Variants in C14orf39 observed in about 807,000 individuals in gnomAD.
C14orf39 encodes the protein chromosome 14 open reading frame 39.
In C14orf39, 66 loss-of-function variants were observed where a neutral mutation model predicts 85.6. The observed-to-expected ratio is 0.77, with a 90% CI of 0.63 to 0.95. The LOEUF is 0.95. Ranked by LOEUF, C14orf39 falls within the 40% of genes least tolerant of loss-of-function variation. The probability of loss-of-function intolerance (pLI) is 0.00; values close to 1 mark genes in which losing one functional copy is unlikely to be tolerated. For missense variants in C14orf39, 735 were observed against 663.9 expected (o/e 1.11, Z -1.18); for synonymous variants, 242 against 214.0 (o/e 1.13, Z -1.14).
chr14:60,487,414 A>G (rs1566685057), upstream of C14orf39, among the ~76,000 whole-genome samples: 1 of 152,056 alleles, frequency 6.6e-6, no homozygotes, highest in Non-Finnish European at 1.5e-5. Flanking sequence ...CAATTAGCAT[A>G]ATGTCCCACA....
upstream of C14orf39, among the ~76,000 whole-genome samples, chr14:60,489,527 C>G (rs975613974): frequency 6.6e-6 from 1 of 152,172 alleles, no homozygotes; most frequent in Non-Finnish European, 1.5e-5. Flanking sequence ...TTCCAGCTAT[C>G]AAACATATGA....
At chr14:60,454,057 C>T (rs1439279173) in intron 16 of C14orf39, among the ~76,000 whole-genome samples, 1 of 151,558 alleles carries the variant, frequency 6.6e-6, no homozygotes, top group Non-Finnish European at 1.5e-5. Context: ...ACTTTCATGC[C>T]TAGCATACTC....
chr14:60,484,846 A>G lies in C14orf39; in HGVS notation c.106+35T>C, dbSNP rs757877316. On this transcript the variant is annotated intron_variant, in intron 3 of 17. Coordinates refer to ENST00000321731, the MANE Select transcript of C14orf39 (RefSeq NM_174978.3). The surrounding 1 kb of genome is among the most constrained non-coding windows in gnomAD (Gnocchi z 4.2). Reference sequence around the variant, plus strand: ...ATGTTATATGCCATAAGGAATTAAAAGACTAAAATATCTTGATCATGCAAA... The same window carrying G: ...ATGTTATATGCCATAAGGAATTAAAGGACTAAAATATCTTGATCATGCAAA... 5 of 1,436,488 alleles carry G rather than the reference A, an allele frequency of 3.5e-6. No homozygotes were observed. Among genetic ancestry groups the G allele is most frequent in the Non-Finnish European group, 4.8e-6 (5 of 1,038,650 alleles). The allele number at this position is 1,436,488 out of a possible 1,614,324, so 89.0% of individuals were successfully genotyped here.
chr14:60,462,617 G>C (rs1018450084), intron 11 of C14orf39, among the ~76,000 whole-genome samples: 3 of 152,006 alleles, frequency 2.0e-5, no homozygotes, highest in African/African-American at 7.2e-5. Context: ...ATAAGAAAAA[G>C]TGTCAACCTC....
chr14:60,454,245 T>C (rs2140064644), intron 16 of C14orf39, among the ~76,000 whole-genome samples: 1 of 152,094 alleles, frequency 6.6e-6, no homozygotes, highest in East Asian at 1.9e-4. Flanking sequence ...ATTGGCTAAA[T>C]GTAATTAACT....
upstream of C14orf39, among the ~76,000 whole-genome samples, chr14:60,489,981 A>G (rs1892961684): frequency 6.6e-6 from 1 of 152,230 alleles, no homozygotes; most frequent in African/African-American, 2.4e-5. Flanking sequence ...AACATGTTTC[A>G]GTCATTAACT....
intron 10 of C14orf39, among the ~76,000 whole-genome samples, chr14:60,466,332 A>T (rs151285026): frequency 3.5e-4 from 54 of 152,122 alleles, no homozygotes; most frequent in Non-Finnish European, 5.7e-4. Context: ...GAGAAGACAA[A>T]GAAACCAGCC....
chr14:60,469,621 A>C lies in C14orf39; in HGVS notation c.587T>G (p.Leu196Arg), dbSNP rs1891971965. 6.7e-7 allele frequency: 1 copy of C among 1,493,802 alleles called. No homozygotes were observed. Among genetic ancestry groups the C allele is most frequent in the South Asian group, 1.4e-5 (1 of 73,180 alleles). 92.5% of individuals were successfully genotyped at this position (1,493,802 alleles called of 1,614,324 possible). A position where few individuals can be genotyped will look rare whatever the true frequency, so the allele number is the denominator to read the frequency against. The change falls in exon 8 of 18, where the codon CTT (leucine) becomes CGT (arginine). Residue 196 changes from leucine to arginine, a missense_variant. Transcript: ENST00000321731. ...TTTGGTAAGATTGCTGGCATGTTTAAGAATATCTTGTGTTTCACATCTCAA... is the reference window on the plus strand; with the variant it reads ...TTTGGTAAGATTGCTGGCATGTTTACGAATATCTTGTGTTTCACATCTCAA... ...VNLRCETQDI[L>R]KHASNLTKSS...
chr14:60,500,378 T>C (rs770962924), intron 1 of C14orf39, among the ~76,000 whole-genome samples: 5 of 152,238 alleles, frequency 3.3e-5, no homozygotes, highest in Non-Finnish European at 7.3e-5. Flanking sequence ...GGTAAAAGTC[T>C]TTTTGGATGG....
intron 16 of C14orf39, 61 bp from the exon 17 acceptor site, chr14:60,442,192 A>C (rs1890548643): frequency 9.6e-7 from 1 of 1,039,852 alleles, no homozygotes; most frequent in African/African-American, 1.6e-5. Context: ...TATATAGTAC[A>C]TATATTTGAA....
At position 60,473,004 on chromosome 14, in the gene C14orf39, A is replaced by G. The variant is rs537498470; in HGVS notation, c.324-1265T>C. ...CACTGACTTCCACAATGGTTGAACT[A>G]GTTTACAGTCCCACCAACAGTGTAA... On this transcript the variant is annotated intron_variant, in intron 5 of 17. Coordinates refer to ENST00000321731, the MANE Select transcript of C14orf39 (RefSeq NM_174978.3). Among the ~76,000 whole-genome samples the G allele has an allele frequency of 5.9e-5, 9 of 152,330 alleles. No individual in the cohort carries two copies. In the East Asian group the frequency reaches 1.5e-3, roughly 26 times the overall value.
At chr14:60,467,275 C>T (rs770312443) in intron 9 of C14orf39, among the ~76,000 whole-genome samples, 1 of 151,650 alleles carries the variant, frequency 6.6e-6, no homozygotes, top group Non-Finnish European at 1.5e-5. Context: ...TCAATATAGT[C>T]CACTCTTATT....
intron 1 of C14orf39, among the ~76,000 whole-genome samples, chr14:60,507,031 A>T (rs1473634803): frequency 6.6e-6 from 1 of 151,636 alleles, no homozygotes; most frequent in African/African-American, 2.4e-5. Context: ...GGCATGGACA[A>T]CCTCTCCCAC....
At chr14:60,488,557 C>A (rs1469294356), upstream of C14orf39, among the ~76,000 whole-genome samples, 2 of 152,122 alleles carry the variant, frequency 1.3e-5, no homozygotes, top group African/African-American at 2.4e-5. Context: ...ATTATTGACA[C>A]CTTTGCCTCT....
At chr14:60,445,699 G>T (rs1890733388) in intron 16 of C14orf39, among the ~76,000 whole-genome samples, 1 of 152,178 alleles carries the variant, frequency 6.6e-6, no homozygotes, top group Non-Finnish European at 1.5e-5. Context: ...ACTCAGCTCT[G>T]CACCAAATGG....
chr14:60,465,695 C>T (rs954260832), intron 11 of C14orf39, among the ~76,000 whole-genome samples: 1 of 152,004 alleles, frequency 6.6e-6, no homozygotes, highest in Non-Finnish European at 1.5e-5. Flanking sequence ...AGTTTTGGAT[C>T]TACTATGTAC....
intron 5 of C14orf39, among the ~76,000 whole-genome samples, chr14:60,474,266 G>C (rs1892255293): frequency 6.6e-6 from 1 of 152,174 alleles, no homozygotes; most frequent in Non-Finnish European, 1.5e-5. Flanking sequence ...CTGAGACTTT[G>C]CTGAAGTTGT....
intron 17 of C14orf39, among the ~76,000 whole-genome samples, chr14:60,437,904 T>A (rs982884543): frequency 6.6e-6 from 1 of 151,718 alleles, no homozygotes; most frequent in Non-Finnish European, 1.5e-5. Flanking sequence ...AGAATTGCCA[T>A]TAAGGAAAAA....
intron 1 of C14orf39, among the ~76,000 whole-genome samples, chr14:60,508,216 C>T (rs1893232875): frequency 6.6e-6 from 1 of 152,150 alleles, no homozygotes. Context: ...TAAGTTCTAA[C>T]ACAAGGTAGG....
Sources: allele counts gnomAD v4.1 joint callset (sites outside exome capture counted in the v4.1 genomes callset), GRCh38; gene constraint gnomAD v4.1.1; non-coding constraint Gnocchi (gnomAD v3.1); transcripts MANE v1.5; gene names NCBI Gene and HGNC (gene_info 2026-07-23, HGNC 2026-07-21).